Variants in TTLL7 observed in about 807,000 individuals in gnomAD.
TTLL7 encodes tubulin polyglutamylase TTLL7.
A neutral mutation model predicts 120.2 loss-of-function variants in TTLL7; 53 were observed. The observed-to-expected ratio is 0.44, with a 90% CI of 0.35 to 0.55. The LOEUF (loss-of-function observed/expected upper bound fraction) is 0.55, where lower values mean the gene tolerates loss of function less well. TTLL7 is among the 20% of genes least tolerant of loss of function. TTLL7 has a pLI of 0.00. For missense variants in TTLL7, 803 were observed against 1,054.7 expected (o/e 0.76, Z 3.31); for synonymous variants, 353 against 351.7 (o/e 1.00, Z -0.04).
chr1:83,976,157 C>A (rs1462911361), intron 1 of TTLL7, among the ~76,000 whole-genome samples: 1 of 151,490 alleles, frequency 6.6e-6, no homozygotes, highest in Admixed American at 6.6e-5. Flanking sequence ...GATATTCGAA[C>A]TAGAGATTAA....
chr1:83,880,075 CCCCT>C (rs1434537365), intron 20 of TTLL7: 1 of 151,930 alleles, frequency 6.6e-6, no homozygotes, highest in African/African-American at 2.4e-5. Flanking sequence ...CAGAGTATCA[CCCCT>C]TAACAAGAAG....
At chr1:83,934,879 G>T (rs987627516) in intron 8 of TTLL7, among the ~76,000 whole-genome samples, 7 of 152,122 alleles carry the variant, frequency 4.6e-5, no homozygotes, top group African/African-American at 1.7e-4. Flanking sequence ...AAAAAAATGA[G>T]ATTCCATGTA....
At chr1:83,959,800 T>C (rs1414265192) in intron 1 of TTLL7, among the ~76,000 whole-genome samples, 2 of 152,098 alleles carry the variant, frequency 1.3e-5, no homozygotes, top group Admixed American at 6.5e-5. Flanking sequence ...AATACACTCA[T>C]ACAATGAAAA....
At chr1:83,889,176 C>T (rs1039515149) in intron 19 of TTLL7, among the ~76,000 whole-genome samples, 4 of 151,950 alleles carry the variant, frequency 2.6e-5, no homozygotes, top group African/African-American at 9.7e-5. Context: ...CTTCACATGG[C>T]GGCAGCAAGG....
At chr1:83,880,376 C>T (rs1293644334) in intron 20 of TTLL7, 1 of 151,934 alleles carries the variant, frequency 6.6e-6, no homozygotes, top group Non-Finnish European at 1.5e-5. Flanking sequence ...ATGACAGAAT[C>T]TAAGACAAAC....
At chr1:83,892,862 A>ACGCATATGTGAG in intron 18 of TTLL7, among the ~76,000 whole-genome samples, 1 of 150,988 alleles carries the variant, frequency 6.6e-6, no homozygotes, top group East Asian at 1.9e-4. Flanking sequence ...ATATATATGA[A>ACGCATATGTGAG]TATATATAAA....
Position 83,936,110 on chromosome 1 carries a change from T to C in TTLL7, c.888+1742A>G, listed in dbSNP as rs1647369683. Among the ~76,000 whole-genome samples, 4 of 152,194 alleles carry C rather than the reference T, an allele frequency of 2.6e-5. No individual in the cohort carries two copies. The South Asian group carries it at 8.3e-4, about 32-fold the overall frequency. On this transcript the variant is annotated intron_variant, in intron 8 of 20. Transcript: ENST00000260505. ...ATGTTTGGGTCATATCTAAAAATTA[T>C]ACTTAACGTTCTAACAGAAAGTTAA...
intron 20 of TTLL7, among the ~76,000 whole-genome samples, chr1:83,874,528 T>A (rs1653738248): frequency 6.6e-6 from 1 of 152,052 alleles, no homozygotes. Flanking sequence ...AATTCTATAT[T>A]TAATTTTTTA....
At chr1:83,908,375 C>T (rs999487146) in intron 15 of TTLL7, among the ~76,000 whole-genome samples, 3 of 151,766 alleles carry the variant, frequency 2.0e-5, no homozygotes, top group Admixed American at 2.0e-4. Flanking sequence ...ATTATCCTAA[C>T]GGAGTTTAAA....
intron 1 of TTLL7, among the ~76,000 whole-genome samples, chr1:83,975,734 T>C (rs1445501639): frequency 2.0e-5 from 3 of 152,086 alleles, no homozygotes; most frequent in Non-Finnish European, 4.4e-5. Context: ...ATTAGTTACT[T>C]TGCAAATCTG....
chr1:83,892,567 CAT>C (rs1283612179), intron 18 of TTLL7, among the ~76,000 whole-genome samples: 2 of 101,582 alleles, frequency 2.0e-5, no homozygotes, highest in East Asian at 2.5e-4. Context: ...AACATATGAA[CAT>C]ATATATGAAC....
chr1:83,943,697 A>G (rs1372337501), intron 6 of TTLL7, among the ~76,000 whole-genome samples: 1 of 152,220 alleles, frequency 6.6e-6, no homozygotes, highest in African/African-American at 2.4e-5. Flanking sequence ...TAGAATTGCT[A>G]TAGTATAATA....
chr1:83,887,414 G>A (rs1655057503), intron 19 of TTLL7: 2 of 220,862 alleles, frequency 9.1e-6, no homozygotes, highest in Non-Finnish European at 1.8e-5. Context: ...ATGATTCAAA[G>A]GATAAAGAAG....
intron 18 of TTLL7, among the ~76,000 whole-genome samples, chr1:83,895,895 G>T (rs945844306): frequency 2.6e-5 from 4 of 152,024 alleles, no homozygotes; most frequent in Non-Finnish European, 5.9e-5. Flanking sequence ...TAAAAACAAG[G>T]TTGCCTAGGC....
At chr1:83,905,703 T>G (rs375378196) in intron 17 of TTLL7, among the ~76,000 whole-genome samples, 1 of 151,818 alleles carries the variant, frequency 6.6e-6, no homozygotes. Flanking sequence ...CATGAAGAAA[T>G]GCGCTTTCAC....
chr1:83,943,532 T>C (rs1648183418), intron 6 of TTLL7, among the ~76,000 whole-genome samples: 1 of 152,206 alleles, frequency 6.6e-6, no homozygotes, highest in African/African-American at 2.4e-5. Context: ...TGTTGTTTGT[T>C]TTGTTCTGTT....
intron 1 of TTLL7, chr1:83,979,637 A>G (rs1401531445): frequency 1.3e-5 from 2 of 152,210 alleles, no homozygotes; most frequent in African/African-American, 4.8e-5. Context: ...TTTAAGGTTA[A>G]ACTATAAACT....
intron 18 of TTLL7, among the ~76,000 whole-genome samples, chr1:83,895,340 C>T (rs1210232324): frequency 6.6e-6 from 1 of 151,998 alleles, no homozygotes; most frequent in Non-Finnish European, 1.5e-5. Context: ...GGTAAAAAAT[C>T]ATTGAGAGAA....
chr1:83,924,148 C>G (rs568111492), intron 10 of TTLL7, among the ~76,000 whole-genome samples: 4 of 152,104 alleles, frequency 2.6e-5, no homozygotes, highest in Non-Finnish European at 4.4e-5. Context: ...AGGGCCATTA[C>G]CCTCGAGGAG....
Sources: gnomAD v4.1 joint callset for allele counts (sites outside exome capture counted in the v4.1 genomes callset) on GRCh38, gnomAD v4.1.1 for gene constraint, MANE v1.5 for transcripts, NCBI Gene and HGNC (gene_info 2026-07-23, HGNC 2026-07-21) for gene names.